The following SYN1 variants were observed in gnomAD, a reference collection of about 807,000 sequenced individuals.
The protein encoded by SYN1 is synapsin-1.
Under a neutral mutation model 44.6 loss-of-function variants are expected in SYN1, and 8 were observed. The ratio of observed to expected loss-of-function variants is 0.18; its 90% CI spans 0.11 to 0.32. The LOEUF is 0.32. SYN1 is among the 10% of genes least tolerant of loss of function. SYN1 has a pLI of 1.00. For synonymous variants in SYN1, 275 were observed against 280.1 expected (o/e 0.98, Z 0.18); for missense variants, 451 against 639.4 (o/e 0.71, Z 3.18).
chrX:47,591,772 G>A (rs1405896619), intron 5 of SYN1, among the ~76,000 whole-genome samples: 4 of 109,719 alleles, frequency 3.6e-5, no homozygotes, highest in African/African-American at 1.3e-4. Context: ...TACAAGCTCA[G>A]TGGGGGACAA....
rs1413133282 is a variant in SYN1 at position 47,575,161 on chromosome X, C to A, written c.1272G>T (p.Arg424=). ...MAQALPRQRQ[R]DASPGRGSHG... ...GGGAGCCCCTGCCAGGGGAGGCATC[C>A]CGCTGTCGCTGCCGGGGCAGGGCCT... Residue 424 remains arginine, a synonymous_variant, in exon 10 of 13, where the codon CGG becomes CGT. Coordinates refer to ENST00000295987, the MANE Select transcript of SYN1 (RefSeq NM_006950.3). The A allele has an allele frequency of 3.4e-6, 4 of 1,192,042 alleles. No individual in the cohort carries two copies. Among genetic ancestry groups the A allele is most frequent in the Non-Finnish European group, 4.5e-6 (4 of 885,458 alleles).
At chrX:47,585,974 G>T in intron 5 of SYN1, 2 of 1,053,542 alleles carry the variant, frequency 1.9e-6, no homozygotes, top group Non-Finnish European at 2.5e-6. Context: ...ATTGTTTCTT[G>T]GTTCCCCAGA....
chrX:47,604,946 C>T, intron 5 of SYN1, 32 bp downstream of exon 5: 3 of 1,136,703 alleles, frequency 2.6e-6, no homozygotes, highest in Non-Finnish European at 3.6e-6. Flanking sequence ...ATGACTCTTC[C>T]CTCCTGCCCA....
At chrX:47,610,056 T>C (rs1206610145) in intron 1 of SYN1, among the ~76,000 whole-genome samples, 1 of 111,772 alleles carries the variant, frequency 8.9e-6, no homozygotes, top group Admixed American at 9.5e-5. Flanking sequence ...AGACCTGACA[T>C]GCTCAGGGTG....
intron 1 of SYN1, among the ~76,000 whole-genome samples, chrX:47,613,408 A>G (rs2057922419): frequency 9.0e-6 from 1 of 111,695 alleles, no homozygotes; most frequent in Admixed American, 9.6e-5. Context: ...AACAGAGACT[A>G]ACATTGAATC....
intron 5 of SYN1, among the ~76,000 whole-genome samples, chrX:47,599,177 C>T (rs1346914276): frequency 1.8e-5 from 2 of 111,100 alleles, no homozygotes; most frequent in Admixed American, 9.5e-5. Context: ...ATATAGAAAA[C>T]AAATAGCAAA....
chrX:47,593,412 G>T (rs2147923131), intron 5 of SYN1, among the ~76,000 whole-genome samples: 1 of 108,526 alleles, frequency 9.2e-6, no homozygotes, highest in East Asian at 2.9e-4. Context: ...GGGACTACAG[G>T]CGCACACCAC....
intron 5 of SYN1, among the ~76,000 whole-genome samples, chrX:47,600,047 A>T (rs1350857083): frequency 2.7e-5 from 3 of 112,671 alleles, no homozygotes; most frequent in Non-Finnish European, 5.6e-5. Flanking sequence ...AACAATAATA[A>T]GTATATGTGC....
At position 47,617,583 on chromosome X, in the gene SYN1, A is replaced by G. The variant is rs749822296; in HGVS notation, c.377+1769T>C. Among the ~76,000 whole-genome samples the G allele has an allele frequency of 4.5e-5, 5 of 110,311 alleles. No homozygotes were observed. The South Asian group carries it at 1.9e-3, about 43-fold the overall frequency. ...AGTGGGAAAGGGGTGATCATTATAA[A>G]CTCAGCTCTGGATTTATCACAGGAA... On this transcript the variant is annotated intron_variant, in intron 1 of 12. Transcript: ENST00000295987.
intron 5 of SYN1, among the ~76,000 whole-genome samples, chrX:47,578,384 C>A (rs2057784703): frequency 9.0e-6 from 1 of 111,672 alleles, no homozygotes; most frequent in African/African-American, 3.3e-5. Context: ...CTACACAACA[C>A]ACAGAGGTGT....
At chrX:47,575,305 A>G in intron 9 of SYN1, 31 bp from the exon 10 acceptor site, 1 of 1,204,138 alleles carries the variant, frequency 8.3e-7, no homozygotes, top group Non-Finnish European at 1.1e-6. Context: ...GTGAGGGGAG[A>G]GGCAGGCCTC....
Position 47,572,962 on chromosome X carries a change from C to T in SYN1, c.2020G>A (p.Glu674Lys). 8.3e-7 allele frequency: 1 copy of T among 1,211,059 alleles called. No individual in the cohort carries two copies. Among genetic ancestry groups the T allele is most frequent in the Non-Finnish European group, 1.1e-6 (1 of 895,344 alleles). ...QSLTNAFNLPEPAPPRPSLSQ... is the reference protein window; with the variant it reads ...QSLTNAFNLPKPAPPRPSLSQ... ...AGGCTGGGCCTGGGCGGGGCTGGCTCTGGAAGGTTGAAGGCATTGGTCAGA... is the reference window on the plus strand; with the variant it reads ...AGGCTGGGCCTGGGCGGGGCTGGCTTTGGAAGGTTGAAGGCATTGGTCAGA... The change falls in exon 13 of 13, where the codon GAG (glutamate) becomes AAG (lysine). Residue 674 changes from glutamate (E) to lysine (K), a missense_variant. By Grantham distance (56) the Glu-to-Lys change is moderately conservative. This residue lies in a region of SYN1 where 127 missense variants were observed against 154.8 expected (regional missense o/e 0.82). Transcript: ENST00000295987.
intron 5 of SYN1, among the ~76,000 whole-genome samples, chrX:47,594,270 G>A (rs1047259681): frequency 1.8e-5 from 2 of 108,531 alleles, no homozygotes; most frequent in Non-Finnish European, 3.8e-5. Flanking sequence ...AGTGGCTCAC[G>A]TCTGTAATCC....
At chrX:47,611,206 C>G (rs2057915744) in intron 1 of SYN1, among the ~76,000 whole-genome samples, 1 of 112,047 alleles carries the variant, frequency 8.9e-6, no homozygotes, top group Non-Finnish European at 1.9e-5. Context: ...ATGCCCTGAA[C>G]AAAACAATAA....
intron 12 of SYN1, 70 bp downstream of exon 12, chrX:47,573,932 G>T: frequency 1.0e-6 from 1 of 996,051 alleles, no homozygotes; most frequent in Non-Finnish European, 1.3e-6. Context: ...AGGGAGCTAG[G>T]GCTGCTCTAC....
chrX:47,608,696 G>A (rs956782567), intron 1 of SYN1, among the ~76,000 whole-genome samples: 1 of 108,920 alleles, frequency 9.2e-6, no homozygotes, highest in Non-Finnish European at 1.9e-5. Flanking sequence ...CATTGTCCCC[G>A]GGCCCGTCCC....
intron 5 of SYN1, chrX:47,585,626 G>A: frequency 8.8e-7 from 1 of 1,142,151 alleles, no homozygotes; most frequent in Non-Finnish European, 1.2e-6. Context: ...TCAGCGCCGG[G>A]GCTTCACCAA....
Position 47,574,565 on chromosome X carries a change from G to A in SYN1, c.1419C>T (p.Gly473=). ...GCAATGGGGGTCCCTGGCGCTGGGGGCCTGGACCCGGCTGTGGAGGGCCGC... is the reference window on the plus strand; with the variant it reads ...GCAATGGGGGTCCCTGGCGCTGGGGACCTGGACCCGGCTGTGGAGGGCCGC... ...PQGGPPQPGP[G]PQRQGPPLQQ... Residue 473 remains glycine, a synonymous_variant, in exon 12 of 13, where the codon GGC becomes GGT. Coordinates refer to ENST00000295987, the MANE Select transcript of SYN1 (RefSeq NM_006950.3). 1 of 1,091,794 alleles carries A rather than the reference G, an allele frequency of 9.2e-7. No individual in the cohort carries two copies. Among genetic ancestry groups the A allele is most frequent in the Non-Finnish European group, 1.2e-6 (1 of 836,103 alleles). 90.0% of individuals were successfully genotyped at this position (1,091,794 alleles called of 1,213,427 possible).
In SYN1 at chrX:47,577,510, G is replaced by A; in HGVS notation, c.775-9C>T. On this transcript the variant is annotated splice_polypyrimidine_tract_variant and intron_variant, in intron 5 of 12. Transcript: ENST00000295987. ...TACGTTGTACTGCTGAGCTGGTGGG[G>A]AAAAGGCAGAGGAGACATGCTCAGG... The A allele has an allele frequency of 4.2e-6, 5 of 1,201,779 alleles. No homozygotes were observed. The highest frequency in any genetic ancestry group is 1.7e-5 in the African/African-American group (1 of 57,394).
Sources: gnomAD v4.1 joint callset for allele counts (sites outside exome capture counted in the v4.1 genomes callset) on GRCh38, gnomAD v4.1.1 for gene constraint, gnomAD v4.1.1 regional missense constraint, MANE v1.5 for transcripts, NCBI Gene and HGNC (gene_info 2026-07-23, HGNC 2026-07-21) for gene names.